RAD21: variants seen among roughly 807,000 people sequenced by gnomAD.
The protein encoded by RAD21 is double-strand-break repair protein rad21 homolog.
Under a neutral mutation model 71.5 loss-of-function variants are expected in RAD21, and 18 were observed. The ratio of observed to expected loss-of-function variants is 0.25; its 90% CI spans 0.17 to 0.37. The LOEUF (loss-of-function observed/expected upper bound fraction) is 0.37, where lower values mean the gene tolerates loss of function less well. Ranked by LOEUF, RAD21 falls within the 10% of genes least tolerant of loss-of-function variation. The pLI is 1.00. For missense variants in RAD21, 493 were observed against 769.1 expected (o/e 0.64, Z 4.25); for synonymous variants, 248 against 254.0 (o/e 0.98, Z 0.22).
chr8:116,852,236 C>T (rs993977855), intron 10 of RAD21, 140 bp from the exon 11 acceptor site: 22 of 862,476 alleles, frequency 2.6e-5, no homozygotes, highest in African/African-American at 2.6e-4. Flanking sequence ...ATTTTAGCTC[C>T]ATAAAGATTT....
Position 116,850,611 on chromosome 8 carries a change from A to T in RAD21, c.1620+7T>A. 6.2e-7 allele frequency: 1 copy of T among 1,606,390 alleles called. No homozygotes were observed. On this transcript the variant is annotated splice_region_variant and intron_variant, in intron 12 of 13. Transcript: ENST00000297338. ...AAATCTGGAATGAAAATTATTAATT[A>T]GTTTACCTCTTCCTCTTCATCATCT... is the stretch of plus-strand genomic sequence containing the variant.
rs751801355 is a variant in RAD21, at chr8:116,847,546, T to A, written c.1850A>T (p.Tyr617Phe). The A allele has an allele frequency of 3.7e-6, 6 of 1,613,952 alleles. No homozygotes were observed. In the African/African-American group the frequency reaches 8.0e-5, roughly 22 times the overall value. Residue 617 changes from tyrosine (Y) to phenylalanine (F), a missense_variant, in exon 14 of 14, where the codon TAC (tyrosine) becomes TTC (phenylalanine). Around this residue, in one of 5 missense-constraint regions of RAD21, gnomAD observed 34 missense variants for 59.9 expected, o/e 0.57. Coordinates refer to ENST00000297338, the MANE Select transcript of RAD21 (RefSeq NM_006265.3). ...QAIELTQEEP[Y>F]SDIIATPGPR... is the part of the protein sequence containing the mutation. ...TCCAGGTGTTGCGATGATGTCACTG[T>A]ACGGTTCTTCCTGTGTCAGCTCAAT... is the stretch of plus-strand genomic sequence containing the variant.
intron 10 of RAD21, 25 bp downstream of exon 10, chr8:116,852,524 A>G: frequency 1.3e-6 from 2 of 1,567,886 alleles, no homozygotes; most frequent in Non-Finnish European, 1.7e-6. Context: ...GAACTTCATC[A>G]AGGAACTATT....
intron 13 of RAD21, among the ~76,000 whole-genome samples, chr8:116,848,342 G>T (rs1812285538): frequency 2.0e-5 from 3 of 152,154 alleles, no homozygotes; most frequent in African/African-American, 7.2e-5. Flanking sequence ...AAATTGTTCT[G>T]ACATGTATTA....
At chr8:116,861,467 G>A (rs185799474) in intron 4 of RAD21, among the ~76,000 whole-genome samples, 1 of 151,024 alleles carries the variant, frequency 6.6e-6, no homozygotes, top group African/African-American at 2.4e-5. Flanking sequence ...CAGAATTATG[G>A]CTCTGAGTAT....
At chr8:116,873,712 T>C (rs1405710739) in intron 1 of RAD21, among the ~76,000 whole-genome samples, 1 of 151,900 alleles carries the variant, frequency 6.6e-6, no homozygotes, top group African/African-American at 2.4e-5. Context: ...TCTTACAAAT[T>C]TGAAGAAGGC....
chr8:116,848,646 G>A (rs949159420), intron 13 of RAD21, among the ~76,000 whole-genome samples: 4 of 151,988 alleles, frequency 2.6e-5, no homozygotes, highest in African/African-American at 9.7e-5. Flanking sequence ...AAGGAGTTGT[G>A]TGGTATGTCA....
In RAD21 at chr8:116,847,244, G is replaced by T; in HGVS notation, c.*256C>A. On this transcript the variant is annotated 3_prime_UTR_variant, in exon 14 of 14. Transcript: ENST00000297338. ...CACCAATATTGCACACATCTGTTCT[G>T]AACTGTTAAAATCATCTTCTGAGTC... 1 of 405,060 alleles carries T rather than the reference G, an allele frequency of 2.5e-6. No individual in the cohort carries two copies. The highest frequency in any genetic ancestry group is 4.4e-6 in the Non-Finnish European group (1 of 226,164). 25.1% of individuals were successfully genotyped at this position (405,060 alleles called of 1,614,324 possible).
Position 116,847,498 on chromosome 8 carries a change from C to A in RAD21, c.*2G>T, listed in dbSNP as rs146026669. ...AACACTAGCTATAATGCTTCTAGCT[C>A]CTTATATAATATGGAACCTTGGTCC... On this transcript the variant is annotated 3_prime_UTR_variant, in exon 14 of 14. Coordinates refer to ENST00000297338, the MANE Select transcript of RAD21 (RefSeq NM_006265.3). 1 of 1,605,078 alleles carries A rather than the reference C, an allele frequency of 6.2e-7. No homozygotes were observed. Among genetic ancestry groups the A allele is most frequent in the South Asian group, 1.1e-5 (1 of 89,692 alleles).
chr8:116,862,614 A>C (rs1190582540), intron 3 of RAD21, among the ~76,000 whole-genome samples: 1 of 152,102 alleles, frequency 6.6e-6, no homozygotes, highest in African/African-American at 2.4e-5. Context: ...CAATGCTTTT[A>C]AAAATTATAG....
At chr8:116,862,758 T>C (rs975135401) in intron 3 of RAD21, among the ~76,000 whole-genome samples, 11 of 152,224 alleles carry the variant, frequency 7.2e-5, no homozygotes, top group African/African-American at 2.2e-4. Context: ...GGAAAAAAAG[T>C]TTAAAATCCT....
intron 1 of RAD21, among the ~76,000 whole-genome samples, chr8:116,873,267 A>AT (rs982407775): frequency 4.1e-5 from 6 of 147,416 alleles, no homozygotes; most frequent in Admixed American, 4.0e-4. Flanking sequence ...TGACTTGTGT[A>AT]TAAAAAAAAG....
Position 116,858,473 on chromosome 8 carries a change from C to G in RAD21, c.375-15G>C. The G allele has an allele frequency of 6.3e-7, 1 of 1,592,936 alleles. No individual in the cohort carries two copies. The highest frequency in any genetic ancestry group is 8.6e-7 in the Non-Finnish European group (1 of 1,164,588). On this transcript the variant is annotated splice_polypyrimidine_tract_variant and intron_variant, in intron 4 of 13. Transcript: ENST00000297338. ...CATCGATGTCACTTTAAAAGAAGGT[C>G]AAATACATTTTAGTTTCAAGTCTAT...
chr8:116,859,180 T>C (rs1306934425), intron 4 of RAD21, among the ~76,000 whole-genome samples: 1 of 152,030 alleles, frequency 6.6e-6, no homozygotes, highest in Non-Finnish European at 1.5e-5. Flanking sequence ...ATACCTTGTT[T>C]TACTGCACTT....
intron 12 of RAD21, 74 bp from the exon 13 acceptor site, chr8:116,849,103 A>C: frequency 1.9e-6 from 2 of 1,052,576 alleles, no homozygotes; most frequent in Non-Finnish European, 2.6e-6. Context: ...CATCTCCTAA[A>C]AGCTCCTAAA....
chr8:116,854,179 T>C, intron 9 of RAD21, 66 bp downstream of exon 9: 1 of 1,303,526 alleles, frequency 7.7e-7, no homozygotes, highest in South Asian at 1.3e-5. Flanking sequence ...ATTCAAAGGT[T>C]TTAGAATCTT....
intron 10 of RAD21, 101 bp from the exon 11 acceptor site, chr8:116,852,197 GCTTT>G (rs1183221560): frequency 5.4e-6 from 6 of 1,107,808 alleles, no homozygotes; most frequent in Admixed American, 5.9e-5. Flanking sequence ...CATACATAAT[GCTTT>G]CTTTAATGAA....
At chr8:116,872,219 A>G (rs1812837591) in intron 1 of RAD21, among the ~76,000 whole-genome samples, 1 of 152,172 alleles carries the variant, frequency 6.6e-6, no homozygotes, top group African/African-American at 2.4e-5. Flanking sequence ...CAAATACTAC[A>G]CTATTTCATA....
intron 1 of RAD21, among the ~76,000 whole-genome samples, chr8:116,868,513 C>T (rs935571768): frequency 3.9e-5 from 6 of 151,952 alleles, no homozygotes; most frequent in Non-Finnish European, 1.5e-5. Context: ...ACAACTGTCC[C>T]GAATGTGACT....
Sources: gnomAD v4.1 joint callset for allele counts (sites outside exome capture counted in the v4.1 genomes callset) on GRCh38, gnomAD v4.1.1 for gene constraint, gnomAD v4.1.1 regional missense constraint, MANE v1.5 for transcripts, NCBI Gene and HGNC (gene_info 2026-07-23, HGNC 2026-07-21) for gene names.